Variants in WIPF3 observed in about 807,000 individuals in gnomAD.
WIPF3 encodes WAS/WASL-interacting protein family member 3.
A neutral mutation model predicts 38.9 loss-of-function variants in WIPF3; 33 were observed. The observed-to-expected ratio is 0.85, with a 90% CI of 0.64 to 1.14. WIPF3 has a LOEUF of 1.14. Among genes scored for constraint, WIPF3 ranks in the 50% most tolerant of loss-of-function variants. The pLI is 0.00. For synonymous variants in WIPF3, 324 were observed against 269.3 expected, an observed-to-expected ratio of 1.20 and a Z score of -1.99; for missense variants, 711 against 652.5, an observed-to-expected ratio of 1.09 and a Z score of -0.98.
chr7:29,911,062 A>C (rs1206097204), intron 8 of WIPF3, among the ~76,000 whole-genome samples: 1 of 152,160 alleles, frequency 6.6e-6, no homozygotes, highest in Non-Finnish European at 1.5e-5. Context: ...ATAATTCAGC[A>C]AAGTAGCAGG....
chr7:29,889,146 A>G (rs1397096852), intron 6 of WIPF3, among the ~76,000 whole-genome samples, 160 bp from the exon 7 acceptor site: 1 of 152,166 alleles, frequency 6.6e-6, no homozygotes, highest in Non-Finnish European at 1.5e-5. Context: ...AGGTGAATGG[A>G]TGTCTTAGGG....
intron 8 of WIPF3, among the ~76,000 whole-genome samples, chr7:29,907,130 A>G (rs1159837029): frequency 6.6e-6 from 1 of 152,234 alleles, no homozygotes; most frequent in African/African-American, 2.4e-5. Flanking sequence ...AAAATCTAAT[A>G]TTATTGTAAC....
intron 2 of WIPF3, among the ~76,000 whole-genome samples, chr7:29,851,316 G>A (rs984413422): frequency 6.6e-6 from 1 of 152,094 alleles, no homozygotes; most frequent in Non-Finnish European, 1.5e-5. Flanking sequence ...TCCTTGGCTC[G>A]GCCACAAGCA....
At chr7:29,863,381 G>A (rs62457582) in intron 2 of WIPF3, among the ~76,000 whole-genome samples, 17,466 of 152,184 alleles carry the variant, frequency 0.11, 1,096 homozygotes, top group African/African-American at 0.17. Context: ...TTATGAATAA[G>A]GCTGATCTAA....
chr7:29,894,205 G>T (rs1583624381), intron 7 of WIPF3, among the ~76,000 whole-genome samples: 3 of 152,246 alleles, frequency 2.0e-5, no homozygotes, highest in Admixed American at 2.0e-4. Flanking sequence ...TTCAGTCAGT[G>T]CTAATCTACA....
At chr7:29,838,885 T>G (rs1292774717) in intron 2 of WIPF3, among the ~76,000 whole-genome samples, 1 of 152,108 alleles carries the variant, frequency 6.6e-6, no homozygotes, top group Non-Finnish European at 1.5e-5. Context: ...TATACAGCAG[T>G]GAAAATGAAT....
chr7:29,812,910 C>A (rs1784401608), intron 1 of WIPF3, among the ~76,000 whole-genome samples: 1 of 152,242 alleles, frequency 6.6e-6, no homozygotes, highest in African/African-American at 2.4e-5. Context: ...ATGCACCCAA[C>A]TGCCTGTGTA....
chr7:29,840,098 C>T (rs1310647443), intron 2 of WIPF3, among the ~76,000 whole-genome samples: 3 of 152,212 alleles, frequency 2.0e-5, no homozygotes, highest in Middle Eastern at 3.2e-3. Flanking sequence ...CAACACCTGT[C>T]CCGCAGTCAG....
Position 29,878,173 on chromosome 7 carries a change from A to G in WIPF3, c.224-836A>G, listed in dbSNP as rs1474933867. Among the ~76,000 whole-genome samples the G allele has an allele frequency of 6.6e-6, 1 of 152,200 alleles. No individual in the cohort carries two copies. Among genetic ancestry groups the G allele is most frequent in the Non-Finnish European group, 1.5e-5 (1 of 68,046 alleles). On this transcript the variant is annotated intron_variant, in intron 3 of 8. Coordinates refer to ENST00000242140, the MANE Select transcript of WIPF3 (RefSeq NM_001080529.3). The surrounding 1 kb of genome is among the most constrained non-coding windows in gnomAD (Gnocchi z 4.0). ...TTAAGCCTAATTAACAGGTAAATCA[A>G]TTTCATTGAAACACTCACTTCCTAA...
intron 2 of WIPF3, among the ~76,000 whole-genome samples, chr7:29,867,192 A>G (rs1055850896): frequency 3.9e-5 from 6 of 152,154 alleles, no homozygotes; most frequent in Admixed American, 2.0e-4. Context: ...CCAAACGCCA[A>G]AGTCACCGCT....
intron 1 of WIPF3, among the ~76,000 whole-genome samples, chr7:29,833,870 G>T (rs77277748): frequency 0.023 from 3,439 of 152,168 alleles, 128 homozygotes; most frequent in African/African-American, 0.076. Flanking sequence ...TTAAGTCCTT[G>T]CAGTGTGCCT....
intron 6 of WIPF3, among the ~76,000 whole-genome samples, chr7:29,888,488 TGTGTGC>T (rs1363365390): frequency 7.2e-5 from 10 of 138,660 alleles, no homozygotes; most frequent in African/African-American, 2.6e-4. Flanking sequence ...TGTGTGAGTG[TGTGTGC>T]GTGTGCGTGT....
At chr7:29,817,582 A>T (rs1784476413) in intron 1 of WIPF3, among the ~76,000 whole-genome samples, 2 of 152,058 alleles carry the variant, frequency 1.3e-5, no homozygotes, top group Non-Finnish European at 2.9e-5. Flanking sequence ...AATTTACTCA[A>T]TACTTTTTGT....
rs796698187 is a variant in WIPF3 at position 29,830,645 on chromosome 7, GA to G, written c.-57-4020del. 1.8e-3 allele frequency among the ~76,000 whole-genome samples: 268 copies of G among 150,272 alleles called. 1 individual carries two copies. The highest frequency in any genetic ancestry group is 6.4e-3 in the African/African-American group (264 of 41,026). ...AAAAAAAAAAAAAAAAAGAAAGAAA[GA>G]AATGAGGTTTTAGATAAGAAAAACC... On this transcript the variant is annotated intron_variant, in intron 1 of 8. Transcript: ENST00000242140.
intron 7 of WIPF3, among the ~76,000 whole-genome samples, chr7:29,903,422 A>G (rs1235621423): frequency 6.6e-6 from 1 of 152,162 alleles, no homozygotes; most frequent in Non-Finnish European, 1.5e-5. Flanking sequence ...CACTATTATA[A>G]ATAGTCTATA....
intron 7 of WIPF3, among the ~76,000 whole-genome samples, chr7:29,897,874 T>C (rs1460101967): frequency 1.3e-5 from 2 of 152,224 alleles, no homozygotes; most frequent in African/African-American, 4.8e-5. Flanking sequence ...CACCCCACTC[T>C]TTTACCACAG....
At position 29,888,135 on chromosome 7, in the gene WIPF3, A is replaced by G; in HGVS notation, c.1167A>G (p.Ser389=). The change falls in exon 6 of 9, where the codon TCA becomes TCG. Residue 389 remains serine, a synonymous_variant. Coordinates refer to ENST00000242140, the MANE Select transcript of WIPF3 (RefSeq NM_001080529.3). ...CGAGATCACCTACCACAGAGCTTTC[A>G]AGCAAGAGCCAGCAGGCCACAGCCT... ...PPARSPTTEL[S]SKSQQATAWT... 1.2e-6 allele frequency: 2 copies of G among 1,613,886 alleles called. No individual in the cohort carries two copies. The highest frequency in any genetic ancestry group is 1.7e-6 in the Non-Finnish European group (2 of 1,179,848).
intron 7 of WIPF3, among the ~76,000 whole-genome samples, chr7:29,898,479 T>C (rs1684302078): frequency 6.6e-6 from 1 of 152,194 alleles, no homozygotes. Context: ...GTGATTTGTC[T>C]ACAGTCCAAG....
chr7:29,859,218 A>T (rs989024325), intron 2 of WIPF3, among the ~76,000 whole-genome samples: 3 of 152,230 alleles, frequency 2.0e-5, no homozygotes, highest in Non-Finnish European at 4.4e-5. Context: ...CGTTCCATGC[A>T]TAAGAGGCTG....
Sources: gnomAD v4.1 joint callset for allele counts (sites outside exome capture counted in the v4.1 genomes callset) on GRCh38, gnomAD v4.1.1 for gene constraint, Gnocchi (gnomAD v3.1) non-coding constraint, MANE v1.5 for transcripts, NCBI Gene and HGNC (gene_info 2026-07-23, HGNC 2026-07-21) for gene names.